The following ALG12 variants were observed in gnomAD, a reference collection of about 807,000 sequenced individuals.
The protein encoded by ALG12 is ALG12 alpha-1,6-mannosyltransferase, also known as dol-P-Man:Man(7)GlcNAc(2)-PP-Dol alpha-1,6-mannosyltransferase.
ALG12 carries 36 observed loss-of-function variants against 46.0 expected under a neutral mutation model. The ratio of observed to expected loss-of-function variants is 0.78; its 90% CI spans 0.60 to 1.03. The LOEUF (loss-of-function observed/expected upper bound fraction) is 1.03. Ranked by LOEUF, ALG12 falls within the 50% of genes least tolerant of loss-of-function variation. The pLI, the probability that ALG12 is intolerant of heterozygous loss-of-function variation, is 0.00. For synonymous variants in ALG12, 326 were observed against 291.6 expected (o/e 1.12, Z -1.20); for missense variants, 599 against 633.5 (o/e 0.95, Z 0.58).
At chr22:49,870,134 T>C in the ALG12 span, among the ~76,000 whole-genome samples, 1 of 152,230 alleles carries the variant, frequency 6.6e-6, no homozygotes, top group Non-Finnish European at 1.5e-5. Context: ...GATGCATGCA[T>C]GTTGCTGCAA....
rs1222048265 is a variant in ALG12, at chr22:49,902,230, GGTGTGTGC to G, written c.*1600_*1607del. The G allele has an allele frequency of 1.5e-5, 2 of 137,710 alleles. No homozygotes were observed. Among genetic ancestry groups the G allele is most frequent in the Non-Finnish European group, 3.0e-5 (2 of 66,998 alleles). The allele number at this position is 137,710 out of a possible 1,614,324, so 8.5% of individuals were successfully genotyped here. ...TGTGCACTGTGTGGTGTGTATGCATGGTGTGTGCACGTGTGCACTGTGTATGCATGGTG... is the reference window on the plus strand; with the variant it reads ...TGTGCACTGTGTGGTGTGTATGCATGACGTGTGCACTGTGTATGCATGGTG... On this transcript the variant is annotated 3_prime_UTR_variant, in exon 10 of 10. Coordinates refer to ENST00000330817, the MANE Select transcript of ALG12 (RefSeq NM_024105.4).
At chr22:49,865,987 C>T in the ALG12 span, among the ~76,000 whole-genome samples, 5 of 151,868 alleles carry the variant, frequency 3.3e-5, no homozygotes, top group South Asian at 2.1e-4. Flanking sequence ...TGATTATACG[C>T]GTGGGCCACT....
At chr22:49,894,598 GGTTAATGGGAT>G in the ALG12 span, among the ~76,000 whole-genome samples, 1 of 152,210 alleles carries the variant, frequency 6.6e-6, no homozygotes, top group African/African-American at 2.4e-5. Flanking sequence ...CAAGTGGTGA[GGTTAATGGGAT>G]GACACAACAA....
In ALG12 at chr22:49,906,645, G is replaced by A. The variant is rs899445011; in HGVS notation, c.992+1076C>T. On this transcript the variant is annotated intron_variant, in intron 7 of 9. Transcript: ENST00000330817. The surrounding 1 kb of genome is among the most constrained non-coding windows in gnomAD (Gnocchi z 4.4). ...TTGTGGGGCTTCCTCTCCAGCCAGA[G>A]TGGGCACCTCTCAATGCCCCAGGCC... is the stretch of plus-strand genomic sequence containing the variant. Among the ~76,000 whole-genome samples the A allele has an allele frequency of 6.6e-6, 1 of 152,194 alleles. No homozygotes were observed. Among genetic ancestry groups the A allele is most frequent in the African/African-American group, 2.4e-5 (1 of 41,458 alleles).
the ALG12 span, among the ~76,000 whole-genome samples, chr22:49,869,999 C>G: frequency 6.6e-6 from 1 of 152,090 alleles, no homozygotes; most frequent in African/African-American, 2.4e-5. Flanking sequence ...TCTCGCAGTC[C>G]CAGTGCCTGT....
rs911732021 is a variant in ALG12, at chr22:49,904,673, T to C, written c.993-167A>G. The stretch of plus-strand genomic sequence containing the variant: ...CAGTAACCCGTAAAAGTGGTTAAGA[T>C]ACTGCCTCAAGAATTGTCTGTGAAA... On this transcript the variant is annotated intron_variant, in intron 7 of 9. Transcript: ENST00000330817. The C allele has an allele frequency of 3.5e-5, 26 of 736,390 alleles. No individual in the cohort carries two copies. In the Admixed American group the frequency reaches 5.6e-4, roughly 16 times the overall value. The allele number at this position is 736,390 out of a possible 1,614,324, so 45.6% of individuals were successfully genotyped here.
rs1479149692 is a variant in ALG12, at chr22:49,903,440, G to C, written c.*398C>G. 4.3e-6 allele frequency: 2 copies of C among 466,756 alleles called. No individual in the cohort carries two copies. The highest frequency in any genetic ancestry group is 8.5e-6 in the Non-Finnish European group (2 of 234,202). 28.9% of individuals were successfully genotyped at this position (466,756 alleles called of 1,614,324 possible). A position where few individuals can be genotyped will look rare whatever the true frequency, so the allele number is the denominator to read the frequency against. On this transcript the variant is annotated 3_prime_UTR_variant, in exon 10 of 10. Transcript: ENST00000330817. The stretch of plus-strand genomic sequence containing the variant: ...CAAGAGGCCCTCGGGCAGCAAGCGT[G>C]GGGTGCTGCCAAAATACAGCTCCCC...
At chr22:49,878,834 C>G in the ALG12 span, among the ~76,000 whole-genome samples, 1 of 151,980 alleles carries the variant, frequency 6.6e-6, no homozygotes, top group East Asian at 1.9e-4. Flanking sequence ...CTTGTCTCTA[C>G]TAAAAATAAA....
downstream of ALG12, among the ~76,000 whole-genome samples, chr22:49,895,269 C>T (rs1419562320): frequency 2.6e-5 from 4 of 152,184 alleles, no homozygotes; most frequent in East Asian, 3.8e-4. Context: ...AACATCCACT[C>T]GCTTCATTCT....
At chr22:49,880,420 G>C in the ALG12 span, among the ~76,000 whole-genome samples, 2 of 152,242 alleles carry the variant, frequency 1.3e-5, no homozygotes, top group Non-Finnish European at 2.9e-5. Context: ...ACATGCTCGA[G>C]ACCACCGGGC....
the ALG12 span, among the ~76,000 whole-genome samples, chr22:49,865,769 T>C: frequency 6.6e-6 from 1 of 152,168 alleles, no homozygotes; most frequent in Non-Finnish European, 1.5e-5. Context: ...TGGAACAAGA[T>C]GTCTTGACTT....
chr22:49,865,267 G>C, the ALG12 span, among the ~76,000 whole-genome samples: 465 of 152,176 alleles, frequency 3.1e-3, 4 homozygotes, highest in Non-Finnish European at 4.5e-3. Context: ...GTAAACAGAT[G>C]GTGTCGTTAT....
the ALG12 span, among the ~76,000 whole-genome samples, chr22:49,880,295 T>C: frequency 5.3e-5 from 8 of 152,180 alleles, no homozygotes; most frequent in Non-Finnish European, 8.8e-5. Context: ...GCAGTTCTTT[T>C]CCCCTTTGGT....
At chr22:49,863,210 GGGTCTTGCTTTGTGGCCCA>G in the ALG12 span, among the ~76,000 whole-genome samples, 1 of 152,100 alleles carries the variant, frequency 6.6e-6, no homozygotes, top group Non-Finnish European at 1.5e-5. Context: ...TTTTGAGGCA[GGGTCTTGCTTTGTGGCCCA>G]GGATGGAGTG....
the ALG12 span, among the ~76,000 whole-genome samples, chr22:49,871,765 T>TTATTTATTTATTTA: frequency 6.8e-6 from 1 of 147,040 alleles, no homozygotes; most frequent in Non-Finnish European, 1.5e-5. Context: ...TTATTTTTTT[T>TTATTTATTTATTTA]TTTTTTTGAG....
the ALG12 span, among the ~76,000 whole-genome samples, chr22:49,870,080 G>A: frequency 1.4e-4 from 21 of 152,268 alleles, no homozygotes; most frequent in Middle Eastern, 3.4e-3. Context: ...TGTGGTATCC[G>A]GTTTTCTGTT....
rs2147577168 is a variant in ALG12, at chr22:49,902,663, G to T, written c.*1175C>A. The T allele has an allele frequency of 6.6e-6, 1 of 150,596 alleles. No individual in the cohort carries two copies. The highest frequency in any genetic ancestry group is 1.5e-5 in the Non-Finnish European group (1 of 68,614). 9.3% of individuals were successfully genotyped at this position (150,596 alleles called of 1,614,324 possible). A position where few individuals can be genotyped will look rare whatever the true frequency, so the allele number is the denominator to read the frequency against. ...CACGTGTGCACTGTGTGGTGTGTATGCATGGTGTGTGCACGTGTGCACTGT... is the reference window on the plus strand; with the variant it reads ...CACGTGTGCACTGTGTGGTGTGTATTCATGGTGTGTGCACGTGTGCACTGT... On this transcript the variant is annotated 3_prime_UTR_variant, in exon 10 of 10. Coordinates refer to ENST00000330817, the MANE Select transcript of ALG12 (RefSeq NM_024105.4).
chr22:49,914,214 C>A (rs886750844), intron 1 of ALG12, among the ~76,000 whole-genome samples: 3 of 152,200 alleles, frequency 2.0e-5, no homozygotes, highest in Non-Finnish European at 2.9e-5. Flanking sequence ...AGGGAACCGG[C>A]TGAAGAAGAC....
At chr22:49,883,812 GCAGA>G in the ALG12 span, 4 of 1,613,320 alleles carry the variant, frequency 2.5e-6, no homozygotes, top group South Asian at 1.1e-5. Flanking sequence ...AGGACATGAA[GCAGA>G]CAGACAGCGG....
Sources: allele counts gnomAD v4.1 joint callset (sites outside exome capture counted in the v4.1 genomes callset), GRCh38; gene constraint gnomAD v4.1.1; non-coding constraint Gnocchi (gnomAD v3.1); transcripts MANE v1.5; gene names NCBI Gene and HGNC (gene_info 2026-07-23, HGNC 2026-07-21).